The following DUSP16 variants were observed in gnomAD, a reference collection of about 807,000 sequenced individuals.
DUSP16 encodes the protein dual specificity protein phosphatase 16.
DUSP16 carries 21 observed loss-of-function variants against 58.3 expected under a neutral mutation model. The observed-to-expected ratio is 0.36, with a 90% CI of 0.26 to 0.52. DUSP16 has a LOEUF of 0.52. Among genes scored for constraint, DUSP16 ranks in the 20% least tolerant of loss-of-function variants. DUSP16 has a pLI of 0.94. For missense variants in DUSP16, 726 were observed against 819.0 expected, an observed-to-expected ratio of 0.89 and a Z score of 1.39; for synonymous variants, 320 against 323.8, an observed-to-expected ratio of 0.99 and a Z score of 0.12.
At chr12:12,542,405 AAAAAG>A (rs1944576055) in intron 1 of DUSP16, among the ~76,000 whole-genome samples, 1 of 151,330 alleles carries the variant, frequency 6.6e-6, no homozygotes, top group South Asian at 2.1e-4. Flanking sequence ...AAAAAAAAAA[AAAAAG>A]AAATACCCAG....
At chr12:12,515,936 C>A (rs925238655) in intron 3 of DUSP16, among the ~76,000 whole-genome samples, 1 of 151,582 alleles carries the variant, frequency 6.6e-6, no homozygotes, top group East Asian at 1.9e-4. Context: ...CCACCATGCC[C>A]GGCTAATTTT....
chr12:12,505,996 C>G (rs1266668464), intron 3 of DUSP16: 2 of 152,208 alleles, frequency 1.3e-5, no homozygotes, highest in Admixed American at 6.5e-5. Flanking sequence ...AACCCTACCT[C>G]AGCCAGAGCA....
At chr12:12,478,071 G>C (rs1178434066) in intron 6 of DUSP16, 56 bp from the exon 7 acceptor site, 7 of 1,357,942 alleles carry the variant, frequency 5.2e-6, no homozygotes, top group Non-Finnish European at 7.1e-6. Context: ...TTTATCTTAA[G>C]AATATTAAGT....
chr12:12,518,162 CA>C (rs1944181442), intron 3 of DUSP16, among the ~76,000 whole-genome samples: 1 of 152,186 alleles, frequency 6.6e-6, no homozygotes, highest in Non-Finnish European at 1.5e-5. Flanking sequence ...GTAACTCAAA[CA>C]AGAACATGGT....
At chr12:12,481,024 A>G (rs1235584550) in intron 5 of DUSP16, among the ~76,000 whole-genome samples, 1 of 152,112 alleles carries the variant, frequency 6.6e-6, no homozygotes, top group Non-Finnish European at 1.5e-5. Context: ...TGGCCTCCCT[A>G]TTTTAAGCAA....
chr12:12,561,289 C>T (rs552736029), intron 1 of DUSP16, among the ~76,000 whole-genome samples: 2 of 152,312 alleles, frequency 1.3e-5, no homozygotes, highest in African/African-American at 4.8e-5. Context: ...GACTTCAAAA[C>T]GCCAAGAATC....
chr12:12,497,407 C>T (rs1943844801), intron 4 of DUSP16, among the ~76,000 whole-genome samples: 1 of 152,100 alleles, frequency 6.6e-6, no homozygotes, highest in Admixed American at 6.5e-5. Flanking sequence ...AGAAGATGGG[C>T]ATTTTTGGTG....
intron 1 of DUSP16, among the ~76,000 whole-genome samples, chr12:12,539,988 G>C (rs1448579489): frequency 6.6e-6 from 1 of 152,086 alleles, no homozygotes; most frequent in Non-Finnish European, 1.5e-5. Flanking sequence ...TTGGGATGTG[G>C]AGGTTGCAGT....
rs1291957430 is a variant in DUSP16 at position 12,528,190 on chromosome 12, C to G, written c.-365-6727G>C. 3.3e-5 allele frequency among the ~76,000 whole-genome samples: 5 copies of G among 152,172 alleles called. No homozygotes were observed. In the East Asian group the frequency reaches 9.6e-4, roughly 29 times the overall value. On this transcript the variant is annotated intron_variant, in intron 1 of 6. Transcript: ENST00000298573. ...TCCCCCTCCCAACCTTCCTCTTTCC[C>G]TCTGCCACCCATGTATGTATCCTAG...
At chr12:12,501,766 C>T (rs769845566) in intron 3 of DUSP16, among the ~76,000 whole-genome samples, 7 of 152,014 alleles carry the variant, frequency 4.6e-5, no homozygotes, top group East Asian at 1.9e-4. Context: ...CCGAGGCAGG[C>T]GGATTGCCTG....
intron 5 of DUSP16, among the ~76,000 whole-genome samples, chr12:12,486,190 A>G (rs757269787): frequency 1.1e-4 from 16 of 152,114 alleles, no homozygotes; most frequent in Non-Finnish European, 2.1e-4. Context: ...CAACTTATGT[A>G]ACTGGGGGAA....
chr12:12,515,606 G>C (rs950652117), intron 3 of DUSP16, among the ~76,000 whole-genome samples: 1 of 151,740 alleles, frequency 6.6e-6, no homozygotes, highest in Non-Finnish European at 1.5e-5. Flanking sequence ...GGGATTACAG[G>C]TGTGAGCCAC....
Position 12,476,817 on chromosome 12 carries a change from A to T in DUSP16, c.*16T>A. 1 of 1,559,594 alleles carries T rather than the reference A, an allele frequency of 6.4e-7. No homozygotes were observed. Among genetic ancestry groups the T allele is most frequent in the Non-Finnish European group, 8.6e-7 (1 of 1,160,492 alleles). ...GAAAAAAAAATTGTCTATAGAAGTCACAAGTGTCTTTCTTCTCAGGAGACC... is the reference window on the plus strand; with the variant it reads ...GAAAAAAAAATTGTCTATAGAAGTCTCAAGTGTCTTTCTTCTCAGGAGACC... On this transcript the variant is annotated 3_prime_UTR_variant, in exon 7 of 7. Transcript: ENST00000298573.
chr12:12,557,889 T>C (rs1209108144), intron 1 of DUSP16, among the ~76,000 whole-genome samples: 1 of 152,226 alleles, frequency 6.6e-6, no homozygotes, highest in African/African-American at 2.4e-5. Flanking sequence ...CTGAATGAGA[T>C]GGGTGAATAC....
intron 2 of DUSP16, 139 bp from the exon 3 acceptor site, chr12:12,520,139 TGTA>T (rs1365957956): frequency 5.5e-6 from 5 of 907,906 alleles, no homozygotes; most frequent in Admixed American, 5.5e-5. Context: ...AAAAATGAGA[TGTA>T]GTCAATTTAC....
At position 12,474,256 on chromosome 12, in the gene DUSP16, AATC is replaced by A. The variant is rs1943371976; in HGVS notation, c.*2574_*2576del. 1 of 152,232 alleles carries A rather than the reference AATC, an allele frequency of 6.6e-6. No individual in the cohort carries two copies. Among genetic ancestry groups the A allele is most frequent in the African/African-American group, 2.4e-5 (1 of 41,454 alleles). 9.4% of individuals were successfully genotyped at this position (152,232 alleles called of 1,614,324 possible). On this transcript the variant is annotated 3_prime_UTR_variant, in exon 7 of 7. Coordinates refer to ENST00000298573, the MANE Select transcript of DUSP16 (RefSeq NM_030640.3). ...ACAGGTACCAGTTTTGATTTTATTT[AATC>A]ATTTCATACATTAACATACATGACA...
At chr12:12,509,559 C>G (rs900487195) in intron 3 of DUSP16, among the ~76,000 whole-genome samples, 12 of 151,922 alleles carry the variant, frequency 7.9e-5, no homozygotes, top group African/African-American at 2.7e-4. Flanking sequence ...AAATTTATAC[C>G]AATCATTTGG....
At position 12,477,061 on chromosome 12, in the gene DUSP16, G is replaced by A. The variant is rs145763524; in HGVS notation, c.1770C>T (p.Cys590=). The A allele has an allele frequency of 2.4e-5, 38 of 1,614,132 alleles. No individual in the cohort carries two copies. The highest frequency in any genetic ancestry group is 8.8e-5 in the South Asian group (8 of 91,092). ...TGCGCACAGAATAGACTTGGTCTCC[G>A]CAAGTGGGCAGCTGGCTGCAGCTGT... ...SAYSCSQLPT[C]GDQVYSVRRR... is the part of the protein sequence containing the mutation. The change falls in exon 7 of 7, where the codon TGC becomes TGT. Residue 590 remains cysteine, a synonymous_variant. Coordinates refer to ENST00000298573, the MANE Select transcript of DUSP16 (RefSeq NM_030640.3). This position sits in a 1 kb window ranked among gnomAD's most constrained non-coding sequence, Gnocchi z 4.1.
intron 3 of DUSP16, 111 bp downstream of exon 3, chr12:12,519,751 T>C (rs1052839308): frequency 1.4e-5 from 15 of 1,100,854 alleles, no homozygotes; most frequent in Non-Finnish European, 2.6e-6. Context: ...AAATAAATCA[T>C]TTTACACAGC....
Sources: allele counts gnomAD v4.1 joint callset (sites outside exome capture counted in the v4.1 genomes callset), GRCh38; gene constraint gnomAD v4.1.1; non-coding constraint Gnocchi (gnomAD v3.1); transcripts MANE v1.5; gene names NCBI Gene and HGNC (gene_info 2026-07-23, HGNC 2026-07-21).